The following KIAA1217 variants were observed in gnomAD, a reference collection of about 807,000 sequenced individuals.
KIAA1217 encodes the protein KIAA1217, also known as sickle tail protein homolog.
A neutral mutation model predicts 163.9 loss-of-function variants in KIAA1217; 88 were observed. That is an observed-to-expected ratio of 0.54 (90% CI 0.45 to 0.64). The LOEUF (loss-of-function observed/expected upper bound fraction) is 0.64. Ranked by LOEUF, KIAA1217 falls within the 30% of genes least tolerant of loss-of-function variation. The probability of loss-of-function intolerance (pLI) is 0.00; values close to 1 mark genes in which losing one functional copy is unlikely to be tolerated. For missense variants in KIAA1217, 2,372 were observed against 2,475.0 expected, an observed-to-expected ratio of 0.96 and a Z score of 0.88; for synonymous variants, 903 against 923.1, an observed-to-expected ratio of 0.98 and a Z score of 0.39.
intron 2 of KIAA1217, among the ~76,000 whole-genome samples, chr10:24,250,869 G>A (rs2074423101): frequency 6.6e-6 from 1 of 150,862 alleles, no homozygotes; most frequent in Non-Finnish European, 1.5e-5. Context: ...AGAGCAGATT[G>A]CTTGAGACCA....
At chr10:23,818,056 T>C (rs1368781957) in intron 1 of KIAA1217, among the ~76,000 whole-genome samples, 1 of 121,518 alleles carries the variant, frequency 8.2e-6, no homozygotes, top group Non-Finnish European at 1.6e-5. Flanking sequence ...TACACATATA[T>C]ATACATATAT....
chr10:24,191,562 T>G (rs1220161114), intron 2 of KIAA1217, among the ~76,000 whole-genome samples: 1 of 151,816 alleles, frequency 6.6e-6, no homozygotes, highest in Non-Finnish European at 1.5e-5. Context: ...AATATATATA[T>G]ATATATATAC....
chr10:24,141,225 A>G (rs866883414), intron 2 of KIAA1217, among the ~76,000 whole-genome samples: 2 of 76,258 alleles, frequency 2.6e-5, no homozygotes, highest in Non-Finnish European at 5.3e-5. Context: ...GAAAGAATAA[A>G]CCCCCCCCCC....
chr10:24,143,109 A>G lies in KIAA1217; in HGVS notation c.-170-76517A>G, dbSNP rs187453718. 6.6e-3 allele frequency among the ~76,000 whole-genome samples: 1,005 copies of G among 152,334 alleles called. 7 individuals carry two copies. Among genetic ancestry groups the G allele is most frequent in the South Asian group, 0.021 (101 of 4,828 alleles). ...TAGTTTACCTTAGTTGAAAGTTAAA[A>G]GTGAAATAGACAAAAGAGGAGGGAC... On this transcript the variant is annotated intron_variant, in intron 2 of 18. Coordinates refer to the KIAA1217 transcript ENST00000376462.
chr10:24,172,259 C>T (rs117943890), intron 2 of KIAA1217, among the ~76,000 whole-genome samples: 2,519 of 152,238 alleles, frequency 0.017, 24 homozygotes, highest in Middle Eastern at 0.058. Context: ...TTACAGGAAA[C>T]GCTGTCAAAT....
chr10:23,991,393 G>T (rs1019529259), intron 1 of KIAA1217, among the ~76,000 whole-genome samples: 8 of 152,134 alleles, frequency 5.3e-5, no homozygotes, highest in African/African-American at 1.9e-4. Context: ...GAGTTAAGTG[G>T]TTAGTGGGAA....
chr10:24,405,952 T>G (rs1028810334), intron 3 of KIAA1217, among the ~76,000 whole-genome samples: 1 of 152,216 alleles, frequency 6.6e-6, no homozygotes, highest in African/African-American at 2.4e-5. Flanking sequence ...TTTTATAGAA[T>G]GAAATATGAA....
intron 2 of KIAA1217, among the ~76,000 whole-genome samples, chr10:24,356,233 G>C (rs1323724574): frequency 6.6e-6 from 1 of 152,188 alleles, no homozygotes; most frequent in Non-Finnish European, 1.5e-5. Context: ...AAGTAGGTGG[G>C]ATGATTATTG....
At chr10:23,726,726 A>G (rs1838163098) in intron 1 of KIAA1217, among the ~76,000 whole-genome samples, 2 of 152,134 alleles carry the variant, frequency 1.3e-5, no homozygotes, top group African/African-American at 4.8e-5. Context: ...AACCCCATCA[A>G]CAAGTGGGCA....
chr10:23,746,952 T>G (rs573213460), intron 1 of KIAA1217, among the ~76,000 whole-genome samples: 1 of 152,216 alleles, frequency 6.6e-6, no homozygotes, highest in East Asian at 1.9e-4. Flanking sequence ...AAGGAAGGAT[T>G]AAGCAAAGTG....
chr10:23,824,658 A>AATATATATAT (rs1199680251), intron 1 of KIAA1217, among the ~76,000 whole-genome samples: 8 of 53,040 alleles, frequency 1.5e-4, no homozygotes, highest in African/African-American at 3.9e-4. Context: ...AAATAAAAAA[A>AATATATATAT]ATATATATAT....
chr10:24,114,248 G>A (rs1262005164), intron 2 of KIAA1217, among the ~76,000 whole-genome samples: 1 of 152,138 alleles, frequency 6.6e-6, no homozygotes, highest in Non-Finnish European at 1.5e-5. Flanking sequence ...CAAAAATGCT[G>A]ACTGATGGAT....
intron 2 of KIAA1217, among the ~76,000 whole-genome samples, chr10:24,225,105 G>A (rs767542357): frequency 1.4e-4 from 22 of 152,104 alleles, no homozygotes; most frequent in Non-Finnish European, 2.4e-4. Flanking sequence ...GATTACAGGC[G>A]TGAGCCACCA....
chr10:23,797,483 A>G (rs547889835), intron 1 of KIAA1217, among the ~76,000 whole-genome samples: 2 of 152,288 alleles, frequency 1.3e-5, no homozygotes, highest in African/African-American at 4.8e-5. Context: ...TCACACTGCT[A>G]TAAAGAACTA....
chr10:24,132,736 C>T (rs1248012540), intron 2 of KIAA1217, among the ~76,000 whole-genome samples: 1 of 152,090 alleles, frequency 6.6e-6, no homozygotes, highest in African/African-American at 2.4e-5. Flanking sequence ...ATATATGGCC[C>T]CCAAGAGTGA....
chr10:24,281,568 A>G (rs1157429493), intron 2 of KIAA1217, among the ~76,000 whole-genome samples: 1 of 152,178 alleles, frequency 6.6e-6, no homozygotes. Flanking sequence ...GCTCTTGGCT[A>G]TGACAGTTTC....
At chr10:24,223,504 G>T (rs1313660425) in intron 2 of KIAA1217, among the ~76,000 whole-genome samples, 1 of 152,104 alleles carries the variant, frequency 6.6e-6, no homozygotes, top group East Asian at 1.9e-4. Context: ...ACAGCCAGCT[G>T]TGAGAAGGAA....
intron 2 of KIAA1217, among the ~76,000 whole-genome samples, chr10:24,178,892 A>T (rs2066036145): frequency 6.6e-6 from 1 of 152,168 alleles, no homozygotes; most frequent in African/African-American, 2.4e-5. Context: ...GTTTCTTTTA[A>T]GTATCCCAAA....
chr10:23,897,979 A>G (rs905325310), intron 1 of KIAA1217, among the ~76,000 whole-genome samples: 1 of 151,854 alleles, frequency 6.6e-6, no homozygotes, highest in Admixed American at 6.6e-5. Flanking sequence ...CTTTTCTTAC[A>G]AGTAGACTTC....
Sources: gnomAD v4.1 joint callset for allele counts (sites outside exome capture counted in the v4.1 genomes callset) on GRCh38, gnomAD v4.1.1 for gene constraint, MANE v1.5 for transcripts, NCBI Gene and HGNC (gene_info 2026-07-23, HGNC 2026-07-21) for gene names.